CDH18: variants seen among roughly 807,000 people sequenced by gnomAD.
The protein encoded by CDH18 is cadherin 18, also known as cadherin-18.
Under a neutral mutation model 67.9 loss-of-function variants are expected in CDH18, and 31 were observed. That is an observed-to-expected ratio of 0.46 (90% confidence interval 0.34 to 0.62). The LOEUF (loss-of-function observed/expected upper bound fraction) is 0.62. Among genes scored for constraint, CDH18 ranks in the 20% least tolerant of loss-of-function variants. The probability of loss-of-function intolerance (pLI) is 0.01; values close to 1 mark genes in which losing one functional copy is unlikely to be tolerated. For synonymous variants in CDH18, 362 were observed against 347.2 expected (o/e 1.04, Z -0.48); for missense variants, 890 against 975.5 (o/e 0.91, Z 1.17).
chr5:19,523,478 GA>G (rs1297156183), intron 9 of CDH18, among the ~76,000 whole-genome samples: 1 of 151,542 alleles, frequency 6.6e-6, no homozygotes, highest in Non-Finnish European at 1.5e-5. Context: ...TTAACATATT[GA>G]AACAATTTTA....
At chr5:19,747,925 G>A (rs1170087109) in intron 3 of CDH18, among the ~76,000 whole-genome samples, 3 of 150,782 alleles carry the variant, frequency 2.0e-5, no homozygotes, top group South Asian at 2.1e-4. Context: ...TGGCTAACAC[G>A]GTGAAACTCC....
In CDH18 at chr5:20,260,278, A is replaced by C. The variant is rs1744549294; in HGVS notation, c.-579-4773T>G. 2.6e-5 allele frequency among the ~76,000 whole-genome samples: 4 copies of C among 151,940 alleles called. No individual in the cohort carries two copies. In the South Asian group the frequency reaches 8.3e-4, roughly 32 times the overall value. On this transcript the variant is annotated intron_variant, in intron 1 of 14. Transcript: ENST00000507958. ...TCTTCCATTTTCCTATTTTTGAAAC[A>C]ATGTTGATAAATGTTGTCCTATCCT...
chr5:19,654,843 G>A (rs941675996), intron 5 of CDH18, among the ~76,000 whole-genome samples: 4 of 152,078 alleles, frequency 2.6e-5, no homozygotes, highest in Admixed American at 2.0e-4. Context: ...TCTTCCCCTG[G>A]AGTTTGACCA....
intron 6 of CDH18, among the ~76,000 whole-genome samples, chr5:19,607,309 C>G (rs539330571): frequency 6.6e-6 from 1 of 151,192 alleles, no homozygotes; most frequent in East Asian, 1.9e-4. Flanking sequence ...AACACAACAG[C>G]AACAATGACA....
At chr5:20,304,186 A>G (rs1736205233) in intron 1 of CDH18, 1 of 1,524,096 alleles carries the variant, frequency 6.6e-7, no homozygotes, top group African/African-American at 1.4e-5. Flanking sequence ...TAAAAACGTT[A>G]TTTTTCCCTG....
chr5:19,489,790 A>G (rs1197322979), intron 11 of CDH18, among the ~76,000 whole-genome samples: 1 of 152,246 alleles, frequency 6.6e-6, no homozygotes, highest in East Asian at 1.9e-4. Context: ...ACATGAAACA[A>G]CTATGTGATT....
chr5:19,778,887 C>G (rs974967818), intron 3 of CDH18, among the ~76,000 whole-genome samples: 2 of 152,084 alleles, frequency 1.3e-5, no homozygotes, highest in Non-Finnish European at 2.9e-5. Context: ...TTTCCTTTTT[C>G]TACATGTATT....
intron 1 of CDH18, among the ~76,000 whole-genome samples, chr5:20,553,382 G>C (rs938923209): frequency 1.5e-4 from 23 of 152,194 alleles, no homozygotes; most frequent in African/African-American, 5.3e-4. Context: ...AATAGCATTA[G>C]CACTCTTCTG....
chr5:20,233,383 A>G (rs966585452), intron 2 of CDH18, among the ~76,000 whole-genome samples: 4 of 151,682 alleles, frequency 2.6e-5, no homozygotes, highest in Non-Finnish European at 4.4e-5. Context: ...ATCATACCAA[A>G]AGAGTTTGAA....
intron 2 of CDH18, among the ~76,000 whole-genome samples, chr5:19,935,428 T>G (rs1009925334): frequency 6.6e-6 from 1 of 151,332 alleles, no homozygotes. Flanking sequence ...AGTATTTTAA[T>G]GTACACACTT....
chr5:20,238,792 A>AT (rs1561902225), intron 2 of CDH18, among the ~76,000 whole-genome samples: 1 of 152,170 alleles, frequency 6.6e-6, no homozygotes, highest in Non-Finnish European at 1.5e-5. Context: ...ATGTCTCTTG[A>AT]TAGATGCATG....
At chr5:20,471,687 AGCTACTCGGGAT>A (rs1171809729) in intron 1 of CDH18, among the ~76,000 whole-genome samples, 1 of 151,570 alleles carries the variant, frequency 6.6e-6, no homozygotes, top group Non-Finnish European at 1.5e-5. Flanking sequence ...CTGTAATCCC[AGCTACTCGGGAT>A]GCTGAGGCAG....
At chr5:19,638,654 C>T (rs149720916) in intron 5 of CDH18, among the ~76,000 whole-genome samples, 30 of 151,640 alleles carry the variant, frequency 2.0e-4, no homozygotes, top group African/African-American at 5.6e-4. Context: ...GCCTTCCCCC[C>T]CCGCGCCCCA....
chr5:19,549,371 A>G (rs1736932887), intron 8 of CDH18, among the ~76,000 whole-genome samples: 1 of 152,188 alleles, frequency 6.6e-6, no homozygotes, highest in Admixed American at 6.5e-5. Flanking sequence ...CTCTGAGGCC[A>G]GAAGCAGATG....
intron 5 of CDH18, among the ~76,000 whole-genome samples, chr5:19,714,333 C>G (rs1765083829): frequency 6.6e-6 from 1 of 152,072 alleles, no homozygotes; most frequent in Admixed American, 6.6e-5. Flanking sequence ...TATGATATGA[C>G]AGGCAAAATG....
intron 5 of CDH18, among the ~76,000 whole-genome samples, chr5:19,640,726 C>T (rs939225506): frequency 6.6e-6 from 1 of 151,810 alleles, no homozygotes; most frequent in African/African-American, 2.4e-5. Flanking sequence ...CAGTTAAAGC[C>T]CATATTAGAA....
chr5:19,904,716 AC>A (rs891788932), intron 2 of CDH18, among the ~76,000 whole-genome samples: 1 of 152,192 alleles, frequency 6.6e-6, no homozygotes, highest in Non-Finnish European at 1.5e-5. Context: ...GATTTGAAGT[AC>A]CTTGTTGTAT....
At chr5:20,467,894 A>G (rs570216091) in intron 1 of CDH18, among the ~76,000 whole-genome samples, 136 of 152,026 alleles carry the variant, frequency 8.9e-4, no homozygotes, top group African/African-American at 3.1e-3. Flanking sequence ...ACTTTTGGCT[A>G]ATGGTATTTC....
intron 1 of CDH18, among the ~76,000 whole-genome samples, chr5:20,428,587 A>G (rs1748499153): frequency 6.6e-6 from 1 of 152,316 alleles, no homozygotes; most frequent in South Asian, 2.1e-4. Flanking sequence ...CTATGTCTCC[A>G]CATCCTCGCC....
Sources: gnomAD v4.1 joint callset for allele counts (sites outside exome capture counted in the v4.1 genomes callset) on GRCh38, gnomAD v4.1.1 for gene constraint, MANE v1.5 for transcripts, NCBI Gene and HGNC (gene_info 2026-07-23, HGNC 2026-07-21) for gene names.